ARHGAP18: variants seen among roughly 807,000 people sequenced by gnomAD.
ARHGAP18 encodes rho GTPase-activating protein 18.
Under a neutral mutation model 86.2 loss-of-function variants are expected in ARHGAP18, and 67 were observed. The ratio of observed to expected loss-of-function variants is 0.78; its 90% confidence interval spans 0.64 to 0.95. The LOEUF is 0.95. Ranked by LOEUF, ARHGAP18 falls within the 40% of genes least tolerant of loss-of-function variation. The probability of loss-of-function intolerance (pLI) is 0.00; values close to 1 mark genes in which losing one functional copy is unlikely to be tolerated. For missense variants in ARHGAP18, 691 were observed against 780.4 expected (o/e 0.89, Z 1.37); for synonymous variants, 283 against 280.4 (o/e 1.01, Z -0.09).
chr6:129,591,808 A>C (rs1788521440), intron 12 of ARHGAP18, among the ~76,000 whole-genome samples: 1 of 152,212 alleles, frequency 6.6e-6, no homozygotes, highest in East Asian at 1.9e-4. Context: ...TTTTTCAAAA[A>C]GAAGGCCAGA....
rs773039352 is a variant in ARHGAP18 at position 129,658,959 on chromosome 6, C to T, written c.114-16941G>A. Reference sequence around the variant, plus strand: ...GGCCAATAGAAATAAAAGGTGAGGACGAAAGTTATTTAATTTTTTTTTAGT... The same window carrying T: ...GGCCAATAGAAATAAAAGGTGAGGATGAAAGTTATTTAATTTTTTTTTAGT... On this transcript the variant is annotated intron_variant, in intron 1 of 14. Coordinates refer to ENST00000368149, the MANE Select transcript of ARHGAP18 (RefSeq NM_033515.3). Among the ~76,000 whole-genome samples, 24 of 151,988 alleles carry T rather than the reference C, an allele frequency of 1.6e-4. 1 individual carries two copies. The South Asian group carries it at 1.7e-3, about 11-fold the overall frequency.
chr6:129,606,544 C>A (rs1788857754), intron 9 of ARHGAP18, among the ~76,000 whole-genome samples: 1 of 152,184 alleles, frequency 6.6e-6, no homozygotes, highest in Admixed American at 6.5e-5. Flanking sequence ...TTAAGTAATA[C>A]TCATGGATAT....
chr6:129,642,638 C>T (rs1773493300), intron 1 of ARHGAP18, among the ~76,000 whole-genome samples: 1 of 152,116 alleles, frequency 6.6e-6, no homozygotes, highest in Admixed American at 6.6e-5. Flanking sequence ...TAAAAAGCAA[C>T]ACATTAAATC....
chr6:129,630,336 GA>G lies in ARHGAP18; in HGVS notation c.617-815del, dbSNP rs542893416. Reference sequence around the variant, plus strand: ...CTTTGGAGAAGATACTTCTAAATTTGATTATTTGGTAAATTTTTTGTTTTAA... The same window carrying G: ...CTTTGGAGAAGATACTTCTAAATTTGTTATTTGGTAAATTTTTTGTTTTAA... On this transcript the variant is annotated intron_variant, in intron 4 of 14. Transcript: ENST00000368149. Among the ~76,000 whole-genome samples the G allele has an allele frequency of 9.2e-5, 14 of 152,172 alleles. No homozygotes were observed. The East Asian group carries it at 2.3e-3, about 25-fold the overall frequency.
intron 1 of ARHGAP18, among the ~76,000 whole-genome samples, chr6:129,671,317 G>GA (rs1263795946): frequency 6.6e-6 from 1 of 152,002 alleles, no homozygotes; most frequent in Non-Finnish European, 1.5e-5. Context: ...TTCACATTTG[G>GA]AAAAAAATAA....
chr6:129,620,278 T>C (rs538406838), intron 5 of ARHGAP18, among the ~76,000 whole-genome samples: 54 of 152,386 alleles, frequency 3.5e-4, no homozygotes, highest in Non-Finnish European at 7.1e-4. Context: ...TAAGTACTTA[T>C]GTGTGGGATT....
intron 1 of ARHGAP18, among the ~76,000 whole-genome samples, chr6:129,682,429 A>C (rs182722004): frequency 4.1e-4 from 63 of 152,302 alleles, no homozygotes; most frequent in Non-Finnish European, 7.6e-4. Flanking sequence ...GAGGTCTTAC[A>C]GGCAAGTAGT....
chr6:129,646,415 T>A (rs914895372), intron 1 of ARHGAP18, among the ~76,000 whole-genome samples: 2 of 152,164 alleles, frequency 1.3e-5, no homozygotes, highest in African/African-American at 4.8e-5. Context: ...TCTAGAGGAA[T>A]CACATATCCT....
At chr6:129,594,952 A>G (rs1052920961) in intron 12 of ARHGAP18, among the ~76,000 whole-genome samples, 10 of 152,182 alleles carry the variant, frequency 6.6e-5, no homozygotes, top group African/African-American at 2.2e-4. Context: ...TCTGTGATCT[A>G]TGGAGAAACA....
intron 1 of ARHGAP18, among the ~76,000 whole-genome samples, chr6:129,654,453 C>T (rs887536984): frequency 6.6e-6 from 1 of 152,170 alleles, no homozygotes; most frequent in African/African-American, 2.4e-5. Context: ...CCCTTAGTCT[C>T]GGGCTCATTA....
At chr6:129,595,243 C>G (rs563751540) in intron 12 of ARHGAP18, among the ~76,000 whole-genome samples, 18 of 152,274 alleles carry the variant, frequency 1.2e-4, no homozygotes, top group African/African-American at 4.3e-4. Flanking sequence ...TTCACTGACT[C>G]GTAACTTCTT....
chr6:129,587,887 T>C (rs1007401181), intron 12 of ARHGAP18, among the ~76,000 whole-genome samples: 1 of 152,038 alleles, frequency 6.6e-6, no homozygotes, highest in African/African-American at 2.4e-5. Flanking sequence ...TCCCCCAAAG[T>C]CTTAACTCAT....
intron 5 of ARHGAP18, 45 bp from the exon 6 acceptor site, chr6:129,618,897 C>T (rs370964035): frequency 1.9e-6 from 3 of 1,545,520 alleles, no homozygotes; most frequent in Non-Finnish European, 2.6e-6. Context: ...CAGTACCTAA[C>T]CTCCATTGTA....
intron 6 of ARHGAP18, 37 bp from the exon 7 acceptor site, chr6:129,616,340 A>G (rs764755327): frequency 6.8e-7 from 1 of 1,471,388 alleles, no homozygotes; most frequent in East Asian, 2.3e-5. Context: ...CACTTTTGTC[A>G]ATCTATAAAA....
chr6:129,587,720 C>T (rs1788425553), intron 12 of ARHGAP18, among the ~76,000 whole-genome samples: 1 of 152,134 alleles, frequency 6.6e-6, no homozygotes, highest in African/African-American at 2.4e-5. Flanking sequence ...ATTCAATTAC[C>T]TCCTACCAGG....
At chr6:129,706,466 T>C (rs1562731294) in intron 1 of ARHGAP18, among the ~76,000 whole-genome samples, 1 of 152,298 alleles carries the variant, frequency 6.6e-6, no homozygotes, top group East Asian at 1.9e-4. Flanking sequence ...AATTCCTTAA[T>C]CTGACATTCA....
In ARHGAP18 at chr6:129,578,434, C is replaced by T; in HGVS notation, c.*79G>A. On this transcript the variant is annotated 3_prime_UTR_variant, in exon 15 of 15. Coordinates refer to ENST00000368149, the MANE Select transcript of ARHGAP18 (RefSeq NM_033515.3). ...TACAACTGAATAATATGAGTCCTGC[C>T]ATTTCTTTTATTTACACTCTTGACT... 4 of 1,128,224 alleles carry T rather than the reference C, an allele frequency of 3.5e-6. No individual in the cohort carries two copies. Among genetic ancestry groups the T allele is most frequent in the Non-Finnish European group, 5.2e-6 (4 of 770,332 alleles). 69.9% of individuals were successfully genotyped at this position (1,128,224 alleles called of 1,614,324 possible). A position where few individuals can be genotyped will look rare whatever the true frequency, so the allele number is the denominator to read the frequency against.
intron 1 of ARHGAP18, among the ~76,000 whole-genome samples, chr6:129,675,326 G>A (rs1014989629): frequency 6.7e-6 from 1 of 150,096 alleles, no homozygotes; most frequent in Non-Finnish European, 1.5e-5. Context: ...AGAGCTTGCA[G>A]TGAACCGAGA....
Position 129,577,316 on chromosome 6 carries a change from T to C in ARHGAP18, c.*1197A>G, listed in dbSNP as rs550197790. The C allele has an allele frequency of 9.9e-5, 15 of 152,116 alleles. No homozygotes were observed. Among genetic ancestry groups the C allele is most frequent in the South Asian group, 2.1e-4 (1 of 4,816 alleles). 9.4% of individuals were successfully genotyped at this position (152,116 alleles called of 1,614,324 possible). A position where few individuals can be genotyped will look rare whatever the true frequency, so the allele number is the denominator to read the frequency against. ...TTTTCCTAAAGTACTACTAAAAGTA[T>C]CATGAACACCGTTTGTGCAGCATTC... On this transcript the variant is annotated 3_prime_UTR_variant, in exon 15 of 15. Coordinates refer to ENST00000368149, the MANE Select transcript of ARHGAP18 (RefSeq NM_033515.3).
Sources: allele counts gnomAD v4.1 joint callset (sites outside exome capture counted in the v4.1 genomes callset), GRCh38; gene constraint gnomAD v4.1.1; transcripts MANE v1.5; gene names NCBI Gene and HGNC (gene_info 2026-07-23, HGNC 2026-07-21).